The following P4HA1 variants were observed in gnomAD, a reference collection of about 807,000 sequenced individuals.
The protein encoded by P4HA1 is prolyl 4-hydroxylase subunit alpha-1.
In P4HA1, 24 loss-of-function variants were observed where a neutral mutation model predicts 72.8. That is an observed-to-expected ratio of 0.33 (90% CI 0.24 to 0.46). The LOEUF (loss-of-function observed/expected upper bound fraction) is 0.46, where lower values mean the gene tolerates loss of function less well. Ranked by LOEUF, P4HA1 falls within the 20% of genes least tolerant of loss-of-function variation. The pLI is 1.00. For synonymous variants in P4HA1, 201 were observed against 218.8 expected, an observed-to-expected ratio of 0.92 and a Z score of 0.72; for missense variants, 446 against 640.6, an observed-to-expected ratio of 0.70 and a Z score of 3.28.
At chr10:73,070,711 G>A (rs180837816) in intron 4 of P4HA1, among the ~76,000 whole-genome samples, 12 of 152,112 alleles carry the variant, frequency 7.9e-5, no homozygotes, top group Admixed American at 3.3e-4. Context: ...AAGTTTTATA[G>A]AAGGCTATAA....
At chr10:73,044,587 G>A (rs1230554958) in intron 9 of P4HA1, among the ~76,000 whole-genome samples, 1 of 152,146 alleles carries the variant, frequency 6.6e-6, no homozygotes, top group Non-Finnish European at 1.5e-5. Flanking sequence ...AATCACCGCA[G>A]CATTTATGAA....
In P4HA1 at chr10:73,068,966, TTAGG is replaced by T. The variant is rs1841487369; in HGVS notation, c.339_342del (p.Asn113LysfsTer43). 6.2e-7 allele frequency: 1 copy of T among 1,612,376 alleles called. No individual in the cohort carries two copies. Among genetic ancestry groups the T allele is most frequent in the Non-Finnish European group, 8.5e-7 (1 of 1,178,728 alleles). ...TTAGGAAAGTACTGTCTCTGAATGG[TTAGG>T]TTAGAGATAAAGCCTTGAAATAGAT... is the stretch of plus-strand genomic sequence containing the variant. On this transcript the variant is annotated frameshift_variant, in exon 5 of 15. Coordinates refer to ENST00000394890, the MANE Select transcript of P4HA1 (RefSeq NM_001017962.3). LOFTEE classifies it high-confidence loss of function.
intron 1 of P4HA1, among the ~76,000 whole-genome samples, chr10:73,092,308 G>T (rs1310068984): frequency 2.1e-5 from 3 of 144,286 alleles, no homozygotes; most frequent in African/African-American, 7.7e-5. Flanking sequence ...TTTTCCTACA[G>T]TCTACTGGCC....
intron 5 of P4HA1, among the ~76,000 whole-genome samples, chr10:73,068,058 G>A (rs911194404): frequency 2.8e-4 from 42 of 152,068 alleles, no homozygotes; most frequent in Admixed American, 1.2e-3. Flanking sequence ...TTGCAAATTT[G>A]TACATTTTTG....
intron 5 of P4HA1, among the ~76,000 whole-genome samples, chr10:73,059,587 C>CA (rs1162048546): frequency 6.7e-6 from 1 of 150,078 alleles, no homozygotes; most frequent in African/African-American, 2.4e-5. Context: ...ACTAAAAATA[C>CA]AAAAAATTAG....
intron 9 of P4HA1, among the ~76,000 whole-genome samples, chr10:73,031,527 A>G (rs1840432762): frequency 6.6e-6 from 1 of 152,086 alleles, no homozygotes; most frequent in African/African-American, 2.4e-5. Context: ...TATTAAGTCA[A>G]AGAAGCCAGA....
intron 13 of P4HA1, 143 bp from the exon 14 acceptor site, chr10:73,010,046 G>C (rs1217534171): frequency 1.9e-6 from 1 of 539,616 alleles, no homozygotes; most frequent in Admixed American, 2.9e-5. Context: ...TCAGCTCACT[G>C]CAACCTCCAC....
intron 1 of P4HA1, among the ~76,000 whole-genome samples, chr10:73,093,903 T>TAC (rs1307238315): frequency 9.6e-4 from 72 of 75,216 alleles, no homozygotes; most frequent in Non-Finnish European, 1.5e-3. Context: ...TATATATATA[T>TAC]ATATACACAC....
At chr10:73,093,861 A>AAT (rs1684535619) in intron 1 of P4HA1, among the ~76,000 whole-genome samples, 1 of 71,416 alleles carries the variant, frequency 1.4e-5, no homozygotes, top group African/African-American at 6.7e-5. Flanking sequence ...AAAAAAAAAA[A>AAT]AAAAAAAAAA....
intron 1 of P4HA1, among the ~76,000 whole-genome samples, chr10:73,078,601 T>TC (rs1491257855): frequency 1.9e-4 from 15 of 76,946 alleles, no homozygotes; most frequent in African/African-American, 1.2e-3. Context: ...CAGTAGGTAA[T>TC]TTTTTTTTTT....
intron 1 of P4HA1, among the ~76,000 whole-genome samples, chr10:73,096,313 C>A (rs1184468816): frequency 1.3e-5 from 2 of 152,208 alleles, no homozygotes; most frequent in Non-Finnish European, 2.9e-5. Context: ...AAAATCCGCT[C>A]TCCACCGCCA....
chr10:73,039,927 T>C (rs1840693712), intron 9 of P4HA1, among the ~76,000 whole-genome samples: 1 of 140,760 alleles, frequency 7.1e-6, no homozygotes, highest in Non-Finnish European at 1.5e-5. Flanking sequence ...AGTGGTGCAA[T>C]CTCAGCTCAC....
intron 5 of P4HA1, among the ~76,000 whole-genome samples, chr10:73,058,773 GCTT>G (rs994991485): frequency 7.3e-6 from 1 of 137,640 alleles, no homozygotes; most frequent in African/African-American, 3.1e-5. Context: ...TTTATAGTAT[GCTT>G]TTTTTTTTTT....
intron 1 of P4HA1, among the ~76,000 whole-genome samples, chr10:73,095,592 C>T (rs968528266): frequency 1.3e-5 from 2 of 151,884 alleles, no homozygotes; most frequent in African/African-American, 2.4e-5. Flanking sequence ...CCCCTCCCCC[C>T]TTCACGTAGT....
At chr10:73,085,067 G>C (rs1272255523) in intron 1 of P4HA1, among the ~76,000 whole-genome samples, 1 of 152,120 alleles carries the variant, frequency 6.6e-6, no homozygotes, top group Non-Finnish European at 1.5e-5. Context: ...CTTGAACCCA[G>C]GAGGCAGAGG....
chr10:73,080,115 T>TA (rs1441103857), intron 1 of P4HA1, among the ~76,000 whole-genome samples: 1 of 152,240 alleles, frequency 6.6e-6, no homozygotes, highest in Non-Finnish European at 1.5e-5. Context: ...TTGCTTTGAA[T>TA]CTGTAAGCTA....
intron 5 of P4HA1, among the ~76,000 whole-genome samples, chr10:73,064,549 A>G (rs577610156): frequency 6.6e-6 from 1 of 152,284 alleles, no homozygotes; most frequent in African/African-American, 2.4e-5. Flanking sequence ...TTATTTAGAA[A>G]TACATTTTTA....
chr10:73,057,911 G>A (rs941777392), intron 5 of P4HA1, among the ~76,000 whole-genome samples: 9 of 151,752 alleles, frequency 5.9e-5, no homozygotes, highest in South Asian at 2.1e-4. Flanking sequence ...GCAACATGGC[G>A]AAAGGCCGTC....
chr10:73,091,485 A>T (rs1413856956), intron 1 of P4HA1, among the ~76,000 whole-genome samples: 1 of 152,146 alleles, frequency 6.6e-6, no homozygotes, highest in Non-Finnish European at 1.5e-5. Context: ...ACATTTCTTG[A>T]TCATATTTTT....
Sources: allele counts gnomAD v4.1 joint callset (sites outside exome capture counted in the v4.1 genomes callset), GRCh38; gene constraint gnomAD v4.1.1; transcripts MANE v1.5; gene names NCBI Gene and HGNC (gene_info 2026-07-23, HGNC 2026-07-21).